The following HDAC9 variants were observed in gnomAD, a reference collection of about 807,000 sequenced individuals.
HDAC9 encodes the protein histone deacetylase 9, also known as MEF-2 interacting transcription repressor (MITR) protein.
In HDAC9, 41 loss-of-function variants were observed where a neutral mutation model predicts 139.4. That is an observed-to-expected ratio of 0.29 (90% CI 0.23 to 0.38). The LOEUF (loss-of-function observed/expected upper bound fraction) is 0.38. Ranked by LOEUF, HDAC9 falls within the 10% of genes least tolerant of loss-of-function variation. The pLI, the probability that HDAC9 is intolerant of heterozygous loss-of-function variation, is 1.00. For synonymous variants in HDAC9, 517 were observed against 476.2 expected, an observed-to-expected ratio of 1.09 and a Z score of -1.12; for missense variants, 1,147 against 1,297.0, an observed-to-expected ratio of 0.88 and a Z score of 1.78.
chr7:18,110,331 A>G (rs114174192), intron 1 of HDAC9, among the ~76,000 whole-genome samples: 53 of 152,326 alleles, frequency 3.5e-4, no homozygotes, highest in African/African-American at 1.2e-3. Context: ...AAGAGGATAG[A>G]TATAGTCATA....
chr7:18,793,518 G>A, intron 17 of HDAC9, 66 bp downstream of exon 17: 1 of 1,056,450 alleles, frequency 9.5e-7, no homozygotes, highest in Non-Finnish European at 1.4e-6. Flanking sequence ...ATGTTGTTAT[G>A]TGGGAATTGC....
intron 2 of HDAC9, among the ~76,000 whole-genome samples, chr7:18,170,801 C>A (rs1011392382): frequency 6.6e-6 from 1 of 152,088 alleles, no homozygotes; most frequent in African/African-American, 2.4e-5. Flanking sequence ...TTCCATTGTT[C>A]TATATCTCTG....
chr7:18,674,631 T>G (rs17139571), intron 12 of HDAC9, among the ~76,000 whole-genome samples: 22,507 of 152,016 alleles, frequency 0.15, 2,610 homozygotes, highest in East Asian at 0.38. Flanking sequence ...GAACTTTATT[T>G]TAATGGTTTT....
At chr7:18,146,258 A>G (rs924268497) in intron 1 of HDAC9, among the ~76,000 whole-genome samples, 12 of 152,300 alleles carry the variant, frequency 7.9e-5, no homozygotes, top group African/African-American at 1.9e-4. Context: ...TTTTTAGTCT[A>G]TTATCTAATA....
rs189190006 is a variant in HDAC9, at chr7:18,216,079, T to A, written c.25+53730T>A. ...TTTTAGGTGTATGCAGCATGAAATG[T>A]ATGTGTGTATGTGTGTGCCTGCGTG... On this transcript the variant is annotated intron_variant, in intron 2 of 12. Transcript: ENST00000417496. 1.5e-4 allele frequency among the ~76,000 whole-genome samples: 22 copies of A among 149,636 alleles called. 1 individual carries two copies. The highest frequency in any genetic ancestry group is 5.5e-4 in the African/African-American group (22 of 40,094).
upstream of HDAC9, among the ~76,000 whole-genome samples, chr7:18,285,933 T>TTTTC (rs1797420904): frequency 6.6e-6 from 1 of 152,154 alleles, no homozygotes. Flanking sequence ...TACTGCATGA[T>TTTTC]ACTATGCTAA....
chr7:18,254,156 C>A (rs1795093481), intron 2 of HDAC9, among the ~76,000 whole-genome samples: 1 of 152,122 alleles, frequency 6.6e-6, no homozygotes, highest in African/African-American at 2.4e-5. Flanking sequence ...GAAGGCATAT[C>A]AAATAAATTG....
At chr7:18,229,008 G>T (rs1328078192) in intron 2 of HDAC9, among the ~76,000 whole-genome samples, 1 of 152,074 alleles carries the variant, frequency 6.6e-6, no homozygotes, top group Admixed American at 6.6e-5. Flanking sequence ...AGTTTCATGG[G>T]GCCCTCTTTA....
chr7:18,928,633 A>G lies in HDAC9; in HGVS notation c.2804-7176A>G, dbSNP rs1477765810. On this transcript the variant is annotated intron_variant, in intron 22 of 25. Coordinates refer to ENST00000686413, the MANE Select transcript of HDAC9 (RefSeq NM_178425.4). ...TTGGTGCATGGGTACATTTTAAATG[A>G]TATTGTAGAGAACATGAAAAATGTA... is the stretch of plus-strand genomic sequence containing the variant. Among the ~76,000 whole-genome samples the G allele has an allele frequency of 1.1e-4, 16 of 152,228 alleles. No homozygotes were observed. The East Asian group carries it at 2.9e-3, about 28-fold the overall frequency.
At chr7:18,292,310 T>A (rs1279655250) in intron 1 of HDAC9, among the ~76,000 whole-genome samples, 2 of 152,164 alleles carry the variant, frequency 1.3e-5, no homozygotes, top group African/African-American at 2.4e-5. Flanking sequence ...AGGATTTTGT[T>A]CCAAGTCTGT....
At chr7:18,948,236 G>A (rs892932761) in intron 23 of HDAC9, among the ~76,000 whole-genome samples, 1 of 149,840 alleles carries the variant, frequency 6.7e-6, no homozygotes, top group African/African-American at 2.5e-5. Context: ...GTAAAAAAAA[G>A]AAAAAGATAT....
intron 2 of HDAC9, among the ~76,000 whole-genome samples, chr7:18,522,097 G>C (rs948792272): frequency 6.6e-6 from 1 of 152,126 alleles, no homozygotes; most frequent in African/African-American, 2.4e-5. Flanking sequence ...ACCAACAGGA[G>C]GATGTTAGAC....
chr7:18,348,523 A>G (rs1782598439), intron 1 of HDAC9, among the ~76,000 whole-genome samples: 1 of 152,178 alleles, frequency 6.6e-6, no homozygotes, highest in African/African-American at 2.4e-5. Flanking sequence ...GGCATCTATT[A>G]TACTGTAGGG....
Position 18,976,175 on chromosome 7 carries a change from C to G in HDAC9, c.3170+222C>G, listed in dbSNP as rs144766644. Among the ~76,000 whole-genome samples the G allele has an allele frequency of 1.1e-4, 16 of 152,290 alleles. No individual in the cohort carries two copies. In the East Asian group the frequency reaches 3.1e-3, roughly 29 times the overall value. ...AGCTGGAGCATGTGGTTGCAGTTCA[C>G]AGAGAAATAGAGGGGATGAGATAAA... On this transcript the variant is annotated intron_variant, in intron 25 of 25. Coordinates refer to ENST00000686413, the MANE Select transcript of HDAC9 (RefSeq NM_178425.4).
At chr7:18,456,281 G>C (rs915581739) in intron 1 of HDAC9, among the ~76,000 whole-genome samples, 4 of 152,108 alleles carry the variant, frequency 2.6e-5, no homozygotes, top group African/African-American at 9.7e-5. Context: ...CTGTTGCCCA[G>C]GCTGGAGTGC....
intron 1 of HDAC9, among the ~76,000 whole-genome samples, chr7:18,358,284 G>C (rs1783486760): frequency 6.6e-6 from 1 of 152,212 alleles, no homozygotes; most frequent in Non-Finnish European, 1.5e-5. Flanking sequence ...CTGCAATTTA[G>C]GAATGGGAAG....
intron 21 of HDAC9, among the ~76,000 whole-genome samples, chr7:18,838,465 G>C (rs1796378233): frequency 6.6e-6 from 1 of 151,962 alleles, no homozygotes; most frequent in Non-Finnish European, 1.5e-5. Context: ...AATGCATGGA[G>C]CCATGAAATG....
chr7:18,693,689 C>T (rs1482208163), intron 12 of HDAC9, among the ~76,000 whole-genome samples: 6 of 152,020 alleles, frequency 3.9e-5, no homozygotes, highest in Admixed American at 2.6e-4. Context: ...GTGTCTTAGT[C>T]GAAATAACCT....
intron 1 of HDAC9, among the ~76,000 whole-genome samples, chr7:18,437,556 T>C (rs1791325101): frequency 1.3e-5 from 2 of 149,644 alleles, no homozygotes; most frequent in South Asian, 2.1e-4. Context: ...CTGGAAATTA[T>C]ATATATATAA....
Sources: gnomAD v4.1 joint callset for allele counts (sites outside exome capture counted in the v4.1 genomes callset) on GRCh38, gnomAD v4.1.1 for gene constraint, MANE v1.5 for transcripts, NCBI Gene and HGNC (gene_info 2026-07-23, HGNC 2026-07-21) for gene names.